The following SH3RF1 variants were observed in gnomAD, a reference collection of about 807,000 sequenced individuals.
SH3RF1 encodes E3 ubiquitin-protein ligase SH3RF1.
In SH3RF1, 32 loss-of-function variants were observed where a neutral mutation model predicts 74.0. The observed-to-expected ratio is 0.43, with a 90% CI of 0.33 to 0.58. SH3RF1 has a LOEUF of 0.58. Among genes scored for constraint, SH3RF1 ranks in the 20% least tolerant of loss-of-function variants. The pLI, the probability that SH3RF1 is intolerant of heterozygous loss-of-function variation, is 0.05. For missense variants in SH3RF1, 954 were observed against 1,130.9 expected (o/e 0.84, Z 2.24); for synonymous variants, 396 against 439.6 (o/e 0.90, Z 1.24).
At chr4:169,183,103 C>T (rs891727549) in intron 2 of SH3RF1, among the ~76,000 whole-genome samples, 2 of 151,946 alleles carry the variant, frequency 1.3e-5, no homozygotes, top group Non-Finnish European at 2.9e-5. Flanking sequence ...GTCAGGAGTT[C>T]GAGACCAGCC....
chr4:169,175,071 T>C (rs1208844410), intron 2 of SH3RF1, among the ~76,000 whole-genome samples: 2 of 152,194 alleles, frequency 1.3e-5, no homozygotes, highest in East Asian at 3.8e-4. Flanking sequence ...ACCTCGTTGC[T>C]TGGGCCAAAA....
At chr4:169,106,215 C>T (rs1225589321) in intron 11 of SH3RF1, among the ~76,000 whole-genome samples, 2 of 151,854 alleles carry the variant, frequency 1.3e-5, no homozygotes, top group Admixed American at 6.6e-5. Context: ...TGGGTTCAAG[C>T]GATTCTCCTG....
intron 2 of SH3RF1, among the ~76,000 whole-genome samples, chr4:169,197,466 A>G (rs989494344): frequency 3.3e-5 from 5 of 152,166 alleles, no homozygotes; most frequent in African/African-American, 1.2e-4. Flanking sequence ...TCTCTACTAA[A>G]AACACAAAAA....
At chr4:169,103,882 A>T (rs904677395) in intron 11 of SH3RF1, among the ~76,000 whole-genome samples, 1 of 152,226 alleles carries the variant, frequency 6.6e-6, no homozygotes, top group African/African-American at 2.4e-5. Context: ...GTAAAAATTT[A>T]AATGGTTATA....
intron 8 of SH3RF1, 48 bp downstream of exon 8, chr4:169,120,771 A>G: frequency 6.3e-7 from 1 of 1,591,416 alleles, no homozygotes; most frequent in South Asian, 1.1e-5. Context: ...GGAAAAGAAC[A>G]AAGCTTCTCT....
chr4:169,151,091 TG>T, intron 4 of SH3RF1, among the ~76,000 whole-genome samples: 1 of 152,316 alleles, frequency 6.6e-6, no homozygotes, highest in Middle Eastern at 3.4e-3. Context: ...ATGTTTGTTT[TG>T]AGTTTAGAAC....
intron 8 of SH3RF1, among the ~76,000 whole-genome samples, chr4:169,118,699 C>T (rs1733385618): frequency 6.6e-6 from 1 of 152,124 alleles, no homozygotes; most frequent in Non-Finnish European, 1.5e-5. Context: ...TCAGGTGATC[C>T]ACCCGCCTCA....
intron 2 of SH3RF1, among the ~76,000 whole-genome samples, chr4:169,191,531 T>C (rs1202678739): frequency 6.6e-6 from 1 of 152,106 alleles, no homozygotes; most frequent in Non-Finnish European, 1.5e-5. Context: ...CTTTGAGGAA[T>C]TAGAAAAAAC....
At chr4:169,242,739 G>A (rs577758450) in intron 2 of SH3RF1, among the ~76,000 whole-genome samples, 26 of 152,256 alleles carry the variant, frequency 1.7e-4, no homozygotes, top group Non-Finnish European at 3.5e-4. Context: ...ATAAAAGCGC[G>A]TTTGGCCCCC....
intron 4 of SH3RF1, among the ~76,000 whole-genome samples, chr4:169,152,866 G>A (rs922859250): frequency 2.0e-5 from 3 of 152,206 alleles, no homozygotes; most frequent in Admixed American, 2.0e-4. Context: ...GATAGTTGAG[G>A]ACAGGAAGAG....
intron 2 of SH3RF1, among the ~76,000 whole-genome samples, chr4:169,184,368 A>C (rs1734568879): frequency 6.6e-6 from 1 of 152,198 alleles, no homozygotes; most frequent in Non-Finnish European, 1.5e-5. Flanking sequence ...TCCACACTTG[A>C]AGATTCTAGA....
intron 4 of SH3RF1, among the ~76,000 whole-genome samples, chr4:169,150,756 CTG>C (rs1451313086): frequency 1.3e-5 from 2 of 152,144 alleles, no homozygotes; most frequent in Non-Finnish European, 2.9e-5. Context: ...GATTTGGAAA[CTG>C]TGAGGAATCC....
intron 7 of SH3RF1, among the ~76,000 whole-genome samples, chr4:169,121,426 C>T (rs1733433956): frequency 6.6e-6 from 1 of 152,154 alleles, no homozygotes; most frequent in South Asian, 2.1e-4. Context: ...GGCTTCTACA[C>T]ACAAGCTGAA....
intron 2 of SH3RF1, among the ~76,000 whole-genome samples, chr4:169,218,085 G>C (rs1730494857): frequency 6.7e-6 from 1 of 150,234 alleles, no homozygotes; most frequent in Admixed American, 6.7e-5. Context: ...AACTGAGTTT[G>C]ATATAGTCAT....
chr4:169,134,055 C>T (rs527323343), intron 5 of SH3RF1, among the ~76,000 whole-genome samples: 97 of 152,248 alleles, frequency 6.4e-4, no homozygotes, highest in African/African-American at 2.2e-3. Context: ...CCTGGGGTGC[C>T]CTCCAATGTA....
chr4:169,198,914 A>G (rs1734865025), intron 2 of SH3RF1, among the ~76,000 whole-genome samples: 1 of 152,188 alleles, frequency 6.6e-6, no homozygotes, highest in Non-Finnish European at 1.5e-5. Flanking sequence ...AAAAATAATG[A>G]CCTGTGTAGA....
chr4:169,179,166 T>C (rs1734469197), intron 2 of SH3RF1, among the ~76,000 whole-genome samples: 1 of 152,198 alleles, frequency 6.6e-6, no homozygotes, highest in Admixed American at 6.5e-5. Context: ...CTATCCCAGA[T>C]GGGTTGAGAG....
intron 4 of SH3RF1, among the ~76,000 whole-genome samples, chr4:169,152,314 AG>A: frequency 6.6e-6 from 1 of 152,354 alleles, no homozygotes; most frequent in African/African-American, 2.4e-5. Flanking sequence ...AAGGACTCCA[AG>A]GCAAAGAATC....
intron 4 of SH3RF1, among the ~76,000 whole-genome samples, chr4:169,154,350 C>A (rs1734019306): frequency 6.6e-6 from 1 of 152,136 alleles, no homozygotes. Flanking sequence ...CGTTGGCAAT[C>A]TCACTCTCTA....
Sources: gnomAD v4.1 joint callset for allele counts (sites outside exome capture counted in the v4.1 genomes callset) on GRCh38, gnomAD v4.1.1 for gene constraint, MANE v1.5 for transcripts, NCBI Gene and HGNC (gene_info 2026-07-23, HGNC 2026-07-21) for gene names.